HNRNPK: variants seen among roughly 807,000 people sequenced by gnomAD.
HNRNPK encodes dC-stretch binding protein.
Under a neutral mutation model 67.0 loss-of-function variants are expected in HNRNPK, and 7 were observed. The observed-to-expected ratio is 0.10, with a 90% confidence interval of 0.06 to 0.20. The LOEUF is 0.20. Ranked by LOEUF, HNRNPK falls within the 10% of genes least tolerant of loss-of-function variation. The probability of loss-of-function intolerance (pLI) is 1.00; values close to 1 mark genes in which losing one functional copy is unlikely to be tolerated. For missense variants in HNRNPK, 264 were observed against 606.5 expected, an observed-to-expected ratio of 0.44 and a Z score of 5.93; for synonymous variants, 213 against 193.7, an observed-to-expected ratio of 1.10 and a Z score of -0.83.
chr9:83,978,282 G>A lies in HNRNPK; in HGVS notation c.-27-3C>T, dbSNP rs763006657. On this transcript the variant is annotated splice_polypyrimidine_tract_variant and splice_region_variant and intron_variant, in intron 2 of 16. Transcript: ENST00000376263. ...TTTTATTAAACGGGCACACCAATCT[G>A]TGGAAAAATAAAGCAGCTAGTACAT... is the stretch of plus-strand genomic sequence containing the variant. 1.9e-6 allele frequency: 3 copies of A among 1,589,720 alleles called. No individual in the cohort carries two copies. Among genetic ancestry groups the A allele is most frequent in the African/African-American group, 2.7e-5 (2 of 72,802 alleles).
intron 5 of HNRNPK, 116 bp from the exon 6 acceptor site, chr9:83,975,621 G>T: frequency 2.3e-6 from 2 of 875,288 alleles, no homozygotes; most frequent in Non-Finnish European, 2.0e-6. Flanking sequence ...AGCCAACCAG[G>T]GTTTTCACAT....
At chr9:83,980,413 C>T (rs1017677666), upstream of HNRNPK, 3 of 152,724 alleles carry the variant, frequency 2.0e-5, no homozygotes, top group Non-Finnish European at 4.4e-5. Flanking sequence ...CTCGAGAAAA[C>T]CCGGGCTTGG....
In HNRNPK at chr9:83,978,270, G is replaced by A. The variant is rs1957163053; in HGVS notation, c.-18C>T. 1 of 1,607,972 alleles carries A rather than the reference G, an allele frequency of 6.2e-7. No individual in the cohort carries two copies. The highest frequency in any genetic ancestry group is 8.5e-7 in the Non-Finnish European group (1 of 1,176,906). ...GTTTCCATATTCTTTTATTAAACGG[G>A]CACACCAATCTGTGGAAAAATAAAG... On this transcript the variant is annotated 5_prime_UTR_variant, in exon 3 of 17. Transcript: ENST00000376263.
intron 6 of HNRNPK, 82 bp downstream of exon 6, chr9:83,975,380 A>G: frequency 8.4e-7 from 1 of 1,197,402 alleles, no homozygotes; most frequent in East Asian, 2.3e-5. Flanking sequence ...AGGGGATACT[A>G]TTTAATTATA....
At chr9:83,972,268 C>CA in intron 10 of HNRNPK, 79 bp from the exon 11 acceptor site, 2 of 1,077,182 alleles carry the variant, frequency 1.9e-6, no homozygotes, top group Non-Finnish European at 2.7e-6. Flanking sequence ...ACATCATCAT[C>CA]AAACAAAATG....
intron 9 of HNRNPK, 71 bp downstream of exon 9, chr9:83,973,215 G>T: frequency 1.1e-6 from 1 of 925,090 alleles, no homozygotes; most frequent in Non-Finnish European, 1.8e-6. Context: ...AGCGAGAGAA[G>T]CTCACAGAAA....
At position 83,976,996 on chromosome 9, in the gene HNRNPK, T is replaced by C; in HGVS notation, c.212A>G (p.Asp71Gly). The change falls in exon 5 of 17, where the codon GAC (aspartate) becomes GGC (glycine). Residue 71 changes from aspartate to glycine, a missense_variant and splice_region_variant. Around this residue, in one of 6 missense-constraint regions of HNRNPK, gnomAD observed 9 missense variants for 62.3 expected, o/e 0.14. Coordinates refer to ENST00000376263, the MANE Select transcript of HNRNPK (RefSeq NM_031263.4). ...GTAGTTTAAACTCTTAATACTTACG[T>C]CTGTACGGAGAGCCTTAATATTCTT... ...GGKNIKALRT[D>G]YNASVSVPDS... 1.9e-6 allele frequency: 3 copies of C among 1,598,802 alleles called. No individual in the cohort carries two copies. Among genetic ancestry groups the C allele is most frequent in the African/African-American group, 1.3e-5 (1 of 74,778 alleles).
chr9:83,977,138 TCTAAC>T (rs1957104147), intron 4 of HNRNPK, 87 bp from the exon 5 acceptor site: 1 of 929,650 alleles, frequency 1.1e-6, no homozygotes, highest in South Asian at 1.4e-5. Flanking sequence ...TAAAAAATCC[TCTAAC>T]CTGTTTGTTA....
At chr9:83,976,802 C>T in intron 5 of HNRNPK, 193 bp downstream of exon 5, 1 of 439,830 alleles carries the variant, frequency 2.3e-6, no homozygotes, top group Non-Finnish European at 4.1e-6. Flanking sequence ...AGAAACCACC[C>T]CCCCACCCTG....
chr9:83,977,686 T>C lies in HNRNPK; in HGVS notation c.156+3A>G. ...TTCAAATTTTCAAGAATAAAATTTA[T>C]ACCTTGCTCTGAAGCAGAATGCGTA... is the stretch of plus-strand genomic sequence containing the variant. On this transcript the variant is annotated splice_donor_region_variant and intron_variant, in intron 4 of 16. Transcript: ENST00000376263. The C allele has an allele frequency of 1.9e-6, 3 of 1,562,848 alleles. No individual in the cohort carries two copies. The highest frequency in any genetic ancestry group is 2.6e-6 in the Non-Finnish European group (3 of 1,139,022).
rs1180678026 is a variant in HNRNPK at position 83,978,406 on chromosome 9, A to G, written c.-61T>C. ...ATATATCCTTGCAGAGCAGAACTGA[A>G]GCGTTCTGGGTCGGACCAACAACTG... On this transcript the variant is annotated 5_prime_UTR_variant, in exon 2 of 17. Coordinates refer to ENST00000376263, the MANE Select transcript of HNRNPK (RefSeq NM_031263.4). 2 of 1,427,886 alleles carry G rather than the reference A, an allele frequency of 1.4e-6. No homozygotes were observed. The highest frequency in any genetic ancestry group is 3.1e-5 in the Admixed American group (1 of 32,428). 88.5% of individuals were successfully genotyped at this position (1,427,886 alleles called of 1,614,324 possible).
intron 1 of HNRNPK, among the ~76,000 whole-genome samples, 155 bp from the exon 2 acceptor site, chr9:83,978,607 T>TA (rs909863083): frequency 1.5e-4 from 23 of 152,212 alleles, no homozygotes; most frequent in Non-Finnish European, 2.9e-4. Flanking sequence ...AATGACTGCC[T>TA]AAAAAATACA....
chr9:83,974,335 GT>G (rs545247947), intron 7 of HNRNPK, among the ~76,000 whole-genome samples, 181 bp downstream of exon 7: 2,908 of 130,250 alleles, frequency 0.022, 39 homozygotes, highest in South Asian at 0.044. Flanking sequence ...TGGCCAGCCT[GT>G]TTTTTTTTTT....
rs1162909570 is a variant in HNRNPK at position 83,969,253 on chromosome 9, A to T, written c.*154T>A. ...AACAGCAAAGATTTCACTACACCTC[A>T]AATGCAGAACACCTATGAAGCAGAG... On this transcript the variant is annotated 3_prime_UTR_variant, in exon 17 of 17. Transcript: ENST00000376263. 5 of 722,144 alleles carry T rather than the reference A, an allele frequency of 6.9e-6. No individual in the cohort carries two copies. The East Asian group carries it at 1.2e-4, about 18-fold the overall frequency. The allele number at this position is 722,144 out of a possible 1,614,324, so 44.7% of individuals were successfully genotyped here.
chr9:83,974,612 GAT>G, intron 6 of HNRNPK, 23 bp from the exon 7 acceptor site: 1 of 1,548,166 alleles, frequency 6.5e-7, no homozygotes. Flanking sequence ...ACAAATACCA[GAT>G]AGTACAAAAA....
At chr9:83,975,588 G>A in intron 5 of HNRNPK, 83 bp from the exon 6 acceptor site, 2 of 1,207,034 alleles carry the variant, frequency 1.7e-6, no homozygotes, top group Non-Finnish European at 2.5e-6. Context: ...TACCCGTTTG[G>A]CAACGAGCAC....
chr9:83,977,326 A>C (rs1957115229), intron 4 of HNRNPK, among the ~76,000 whole-genome samples: 2 of 152,216 alleles, frequency 1.3e-5, no homozygotes, highest in South Asian at 4.1e-4. Flanking sequence ...CCTTTGGTAA[A>C]ATAAGTCAAT....
chr9:83,969,978 G>A, intron 16 of HNRNPK, 184 bp downstream of exon 16: 2 of 648,600 alleles, frequency 3.1e-6, no homozygotes, highest in East Asian at 2.8e-5. Context: ...GATTAGTATT[G>A]AATGTCTTCA....
intron 6 of HNRNPK, among the ~76,000 whole-genome samples, 193 bp from the exon 7 acceptor site, chr9:83,974,782 A>G (rs557446084): frequency 4.7e-4 from 72 of 152,334 alleles, no homozygotes; most frequent in African/African-American, 1.7e-3. Context: ...CATGATAACA[A>G]TATTAGGAGA....
Sources: gnomAD v4.1 joint callset for allele counts (sites outside exome capture counted in the v4.1 genomes callset) on GRCh38, gnomAD v4.1.1 for gene constraint, gnomAD v4.1.1 regional missense constraint, MANE v1.5 for transcripts, NCBI Gene and HGNC (gene_info 2026-07-23, HGNC 2026-07-21) for gene names.